The following PEPD variants were observed in gnomAD, a reference collection of about 807,000 sequenced individuals.
The protein encoded by PEPD is peptidase D, also known as xaa-Pro dipeptidase.
In PEPD, 53 loss-of-function variants were observed where a neutral mutation model predicts 60.7. The observed-to-expected ratio is 0.87, with a 90% CI of 0.70 to 1.10. The LOEUF (loss-of-function observed/expected upper bound fraction) is 1.10. Among genes scored for constraint, PEPD ranks in the 50% least tolerant of loss-of-function variants. The pLI is 0.00. For synonymous variants in PEPD, 267 were observed against 284.1 expected, an observed-to-expected ratio of 0.94 and a Z score of 0.60; for missense variants, 711 against 711.9, an observed-to-expected ratio of 1.00 and a Z score of 0.01.
chr19:33,519,932 T>C (rs773433398), intron 1 of PEPD, among the ~76,000 whole-genome samples: 1 of 151,994 alleles, frequency 6.6e-6, no homozygotes, highest in Non-Finnish European at 1.5e-5. Context: ...CTGAGTGTGG[T>C]GGCACACGCC....
chr19:33,484,877 T>A (rs962910494), intron 6 of PEPD, among the ~76,000 whole-genome samples: 2 of 152,214 alleles, frequency 1.3e-5, no homozygotes, highest in Non-Finnish European at 2.9e-5. Context: ...AAAATTCATA[T>A]AGTTCTCATT....
chr19:33,513,028 C>CG (rs1448594560), intron 1 of PEPD, among the ~76,000 whole-genome samples: 1 of 151,848 alleles, frequency 6.6e-6, no homozygotes, highest in Non-Finnish European at 1.5e-5. Flanking sequence ...CCTCTGCCCC[C>CG]CAACCAACTG....
intron 9 of PEPD, among the ~76,000 whole-genome samples, chr19:33,448,819 C>CA (rs962912737): frequency 3.3e-5 from 5 of 151,994 alleles, no homozygotes; most frequent in Non-Finnish European, 4.4e-5. Flanking sequence ...CAGGAAAAGC[C>CA]AAAAAAATCT....
chr19:33,485,491 T>TAAAAAAAAAAA (rs908651690), intron 6 of PEPD, among the ~76,000 whole-genome samples: 20 of 110,950 alleles, frequency 1.8e-4, no homozygotes, highest in African/African-American at 4.4e-4. Flanking sequence ...AGACTCTGTC[T>TAAAAAAAAAAA]AAAAAAAAAA....
chr19:33,432,940 A>G (rs978803285), intron 9 of PEPD, among the ~76,000 whole-genome samples: 1 of 152,250 alleles, frequency 6.6e-6, no homozygotes, highest in African/African-American at 2.4e-5. Context: ...CTCCTCGGCT[A>G]TAGCAGCTAG....
In PEPD at chr19:33,387,077, T is replaced by TAAAG. The variant is rs764724976; in HGVS notation, c.*263_*266dup. The TAAAG allele has an allele frequency of 1.9e-6, 1 of 520,398 alleles. No individual in the cohort carries two copies. Among genetic ancestry groups the TAAAG allele is most frequent in the Non-Finnish European group, 3.4e-6 (1 of 292,028 alleles). 32.2% of individuals were successfully genotyped at this position (520,398 alleles called of 1,614,324 possible). On this transcript the variant is annotated 3_prime_UTR_variant, in exon 15 of 15. Coordinates refer to ENST00000244137, the MANE Select transcript of PEPD (RefSeq NM_000285.4). ...CAGCAAGACACATTTTAGTTGCTACTAAAGAACAGCATTATTTTCAATCAT... is the reference window on the plus strand; with the variant it reads ...CAGCAAGACACATTTTAGTTGCTACTAAAGAAAGAACAGCATTATTTTCAATCAT...
chr19:33,520,894 C>T (rs564792513), intron 1 of PEPD, among the ~76,000 whole-genome samples: 38 of 152,350 alleles, frequency 2.5e-4, no homozygotes, highest in African/African-American at 7.9e-4. Context: ...TAACAAAACC[C>T]TTCCAGCCCA....
At position 33,387,454 on chromosome 19, in the gene PEPD, TCAC is replaced by T; in HGVS notation, c.1369_1371del (p.Val457del). The T allele has an allele frequency of 1.9e-6, 3 of 1,613,874 alleles. No individual in the cohort carries two copies. Among genetic ancestry groups the T allele is most frequent in the Non-Finnish European group, 2.5e-6 (3 of 1,180,042 alleles). ...GTCAGCAGCTCTATGCCGCTGTCAG[TCAC>T]CACGACGTCCTCCTCGATGCGGACC... On this transcript the variant is annotated inframe_deletion, in exon 15 of 15. Coordinates refer to ENST00000244137, the MANE Select transcript of PEPD (RefSeq NM_000285.4).
intron 9 of PEPD, among the ~76,000 whole-genome samples, chr19:33,426,538 T>C (rs1451092629): frequency 6.6e-6 from 1 of 152,158 alleles, no homozygotes; most frequent in Non-Finnish European, 1.5e-5. Context: ...TCCCTCCCTA[T>C]CGTCCTCTGC....
At chr19:33,432,241 C>T (rs1969290173) in intron 9 of PEPD, among the ~76,000 whole-genome samples, 2 of 152,204 alleles carry the variant, frequency 1.3e-5, no homozygotes, top group Admixed American at 1.3e-4. Flanking sequence ...CTGCCAAGTC[C>T]TGCTTCAGGA....
Position 33,439,243 on chromosome 19 carries a change from T to C in PEPD, c.671+23752A>G, listed in dbSNP as rs1173397707. On this transcript the variant is annotated intron_variant, in intron 9 of 14. Coordinates refer to ENST00000244137, the MANE Select transcript of PEPD (RefSeq NM_000285.4). ...CTCACATGCATCACAGCCCTGAGGGTGCCCCACTAGCACCTTAGTCCTGTG... is the reference window on the plus strand; with the variant it reads ...CTCACATGCATCACAGCCCTGAGGGCGCCCCACTAGCACCTTAGTCCTGTG... 2.0e-5 allele frequency among the ~76,000 whole-genome samples: 3 copies of C among 152,234 alleles called. No homozygotes were observed. The East Asian group carries it at 5.8e-4, about 29-fold the overall frequency.
intron 9 of PEPD, among the ~76,000 whole-genome samples, chr19:33,417,610 G>A (rs772716824): frequency 1.3e-5 from 2 of 152,152 alleles, no homozygotes; most frequent in Non-Finnish European, 2.9e-5. Context: ...TATGCCAGTC[G>A]AATGATTTAA....
chr19:33,486,644 G>A (rs1970401986), intron 6 of PEPD, among the ~76,000 whole-genome samples: 1 of 152,128 alleles, frequency 6.6e-6, no homozygotes, highest in Non-Finnish European at 1.5e-5. Flanking sequence ...CAGGCAGCAG[G>A]CGGCCTGGCC....
intron 6 of PEPD, among the ~76,000 whole-genome samples, chr19:33,480,248 G>T (rs1023571554): frequency 7.9e-5 from 12 of 152,132 alleles, no homozygotes; most frequent in African/African-American, 2.9e-4. Context: ...AACTAGAATG[G>T]CTATACTAAC....
At chr19:33,514,722 G>A (rs1447662104) in intron 1 of PEPD, among the ~76,000 whole-genome samples, 2 of 151,706 alleles carry the variant, frequency 1.3e-5, no homozygotes, top group African/African-American at 4.8e-5. Context: ...GGGGACCCTG[G>A]AACTAAATGG....
chr19:33,458,408 T>C (rs939146157), intron 9 of PEPD, among the ~76,000 whole-genome samples: 1 of 150,840 alleles, frequency 6.6e-6, no homozygotes, highest in African/African-American at 2.4e-5. Flanking sequence ...GTGTGTGTGG[T>C]GTGTATGGCG....
At chr19:33,466,614 G>A (rs1457148927) in intron 7 of PEPD, among the ~76,000 whole-genome samples, 1 of 152,044 alleles carries the variant, frequency 6.6e-6, no homozygotes, top group East Asian at 1.9e-4. Flanking sequence ...GTATCTGGGG[G>A]GAAAACCATC....
At chr19:33,458,160 C>T (rs1288852073) in intron 9 of PEPD, among the ~76,000 whole-genome samples, 3 of 149,598 alleles carry the variant, frequency 2.0e-5, no homozygotes, top group Admixed American at 2.0e-4. Context: ...GTGCATATGG[C>T]TGTGGTGCAT....
chr19:33,497,912 G>A (rs1970636547), intron 4 of PEPD, among the ~76,000 whole-genome samples: 1 of 152,132 alleles, frequency 6.6e-6, no homozygotes, highest in Non-Finnish European at 1.5e-5. Flanking sequence ...GGGAAAGGGA[G>A]GCCTGGAGGG....
Sources: allele counts gnomAD v4.1 joint callset (sites outside exome capture counted in the v4.1 genomes callset), GRCh38; gene constraint gnomAD v4.1.1; transcripts MANE v1.5; gene names NCBI Gene and HGNC (gene_info 2026-07-23, HGNC 2026-07-21).